Variants in GPD1L observed in about 807,000 individuals in gnomAD.
GPD1L encodes the protein glycerol-3-phosphate dehydrogenase 1-like protein.
In GPD1L, 17 loss-of-function variants were observed where a neutral mutation model predicts 32.9. The observed-to-expected ratio is 0.52, with a 90% CI of 0.35 to 0.78. GPD1L has a LOEUF of 0.78. GPD1L is among the 30% of genes least tolerant of loss of function. The probability of loss-of-function intolerance (pLI) is 0.01; values close to 1 mark genes in which losing one functional copy is unlikely to be tolerated. For missense variants in GPD1L, 361 were observed against 447.8 expected (o/e 0.81, Z 1.75); for synonymous variants, 187 against 165.9 (o/e 1.13, Z -0.98).
At chr3:32,143,444 A>G (rs1700776763) in intron 4 of GPD1L, among the ~76,000 whole-genome samples, 1 of 152,186 alleles carries the variant, frequency 6.6e-6, no homozygotes, top group South Asian at 2.1e-4. Flanking sequence ...AGTAAGAGAT[A>G]TGTTATAAAA....
intron 4 of GPD1L, among the ~76,000 whole-genome samples, chr3:32,146,385 C>T (rs1700826163): frequency 6.6e-6 from 1 of 151,698 alleles, no homozygotes; most frequent in African/African-American, 2.4e-5. Flanking sequence ...CGTGTCTGGC[C>T]AAAAAAAACT....
At chr3:32,160,353 AGATGGATGGATG>A (rs59046244) in intron 7 of GPD1L, among the ~76,000 whole-genome samples, 1 of 32,916 alleles carries the variant, frequency 3.0e-5, no homozygotes, top group Non-Finnish European at 4.7e-5. Context: ...GGATGGGATG[AGATGGATGGATG>A]GATGGATGGA....
chr3:32,166,142 G>A lies in GPD1L; in HGVS notation c.*232G>A. The A allele has an allele frequency of 1.8e-6, 1 of 562,492 alleles. No individual in the cohort carries two copies. The allele number at this position is 562,492 out of a possible 1,614,324, so 34.8% of individuals were successfully genotyped here. ...TGAATGGTGGTTTATTCCTCATTCTGTGGATGTTTCTATGAGCCAAAATTT... is the reference window on the plus strand; with the variant it reads ...TGAATGGTGGTTTATTCCTCATTCTATGGATGTTTCTATGAGCCAAAATTT... On this transcript the variant is annotated 3_prime_UTR_variant, in exon 8 of 8. Coordinates refer to ENST00000282541, the MANE Select transcript of GPD1L (RefSeq NM_015141.4).
chr3:32,137,334 G>T (rs1257942984), intron 2 of GPD1L, among the ~76,000 whole-genome samples: 1 of 152,226 alleles, frequency 6.6e-6, no homozygotes, highest in Non-Finnish European at 1.5e-5. Context: ...TTTGTGGTTG[G>T]TGTAGCATCA....
At chr3:32,165,580 G>A (rs1332470422) in intron 7 of GPD1L, among the ~76,000 whole-genome samples, 2 of 152,178 alleles carry the variant, frequency 1.3e-5, no homozygotes, top group Non-Finnish European at 2.9e-5. Context: ...ACTTGGTTGT[G>A]GACAGTGTGC....
chr3:32,121,615 C>CTA (rs1243019541), intron 1 of GPD1L, among the ~76,000 whole-genome samples: 1 of 74,210 alleles, frequency 1.3e-5, no homozygotes, highest in Non-Finnish European at 2.4e-5. Flanking sequence ...ATATATATTT[C>CTA]TATATATATT....
rs760414173 is a variant in GPD1L at position 32,106,683 on chromosome 3, C to A, written c.-29C>A. The A allele has an allele frequency of 6.6e-7, 1 of 1,517,764 alleles. No homozygotes were observed. Among genetic ancestry groups the A allele is most frequent in the Non-Finnish European group, 8.8e-7 (1 of 1,131,068 alleles). 94.0% of individuals were successfully genotyped at this position (1,517,764 alleles called of 1,614,324 possible). A position where few individuals can be genotyped will look rare whatever the true frequency, so the allele number is the denominator to read the frequency against. ...AGGTGGGCAGCCGGCCAGGGAAGCA[C>A]GGTCCAGGCGGCTACATTCGGCCCG... On this transcript the variant is annotated 5_prime_UTR_variant, in exon 1 of 8. Transcript: ENST00000282541. This position sits in a 1 kb window ranked among gnomAD's most constrained non-coding sequence, Gnocchi z 4.0.
chr3:32,135,410 G>A (rs1700648713), intron 2 of GPD1L, among the ~76,000 whole-genome samples: 1 of 152,146 alleles, frequency 6.6e-6, no homozygotes, highest in Admixed American at 6.5e-5. Context: ...ACGACACACA[G>A]GCCAATTGTG....
At chr3:32,107,253 C>T (rs546954324) in intron 1 of GPD1L, among the ~76,000 whole-genome samples, 1 of 152,286 alleles carries the variant, frequency 6.6e-6, no homozygotes, top group East Asian at 1.9e-4. Flanking sequence ...AGGTGCCCGT[C>T]TCGCCCCCGC....
At chr3:32,126,009 C>G (rs1700502193) in intron 1 of GPD1L, among the ~76,000 whole-genome samples, 1 of 152,098 alleles carries the variant, frequency 6.6e-6, no homozygotes, top group Non-Finnish European at 1.5e-5. Flanking sequence ...GGGCTTAGTT[C>G]TTAATGGTAC....
At chr3:32,127,218 A>G (rs1247064585) in intron 1 of GPD1L, among the ~76,000 whole-genome samples, 1 of 152,190 alleles carries the variant, frequency 6.6e-6, no homozygotes, top group Non-Finnish European at 1.5e-5. Context: ...AATTTGCAAG[A>G]TGCTCTTTAC....
intron 5 of GPD1L, among the ~76,000 whole-genome samples, chr3:32,156,031 C>T (rs74410926): frequency 0.12 from 17,583 of 152,150 alleles, 1,107 homozygotes; most frequent in African/African-American, 0.14. Flanking sequence ...GCATAGCACT[C>T]ATCCTAAAAG....
chr3:32,159,787 T>C (rs1227106918), intron 7 of GPD1L, 113 bp downstream of exon 7: 12 of 737,764 alleles, frequency 1.6e-5, no homozygotes, highest in Non-Finnish European at 2.7e-5. Context: ...TTAGAACTTA[T>C]CTGGATTAGT....
intron 1 of GPD1L, among the ~76,000 whole-genome samples, chr3:32,113,185 A>G (rs1457059412): frequency 6.6e-6 from 1 of 152,214 alleles, no homozygotes; most frequent in South Asian, 2.1e-4. Context: ...ACAGATGATT[A>G]TAGTTTACTA....
At chr3:32,162,385 C>CT (rs536879551) in intron 7 of GPD1L, among the ~76,000 whole-genome samples, 16,286 of 121,232 alleles carry the variant, frequency 0.13, 4,147 homozygotes, top group African/African-American at 0.18. Context: ...ATTACCTTTT[C>CT]TTTTTTTTTT....
intron 2 of GPD1L, among the ~76,000 whole-genome samples, chr3:32,129,446 C>T (rs1383460804): frequency 6.6e-6 from 1 of 152,184 alleles, no homozygotes; most frequent in Non-Finnish European, 1.5e-5. Flanking sequence ...CATTTAGTCT[C>T]ATTTAATCCT....
chr3:32,134,810 C>G (rs1334958668), intron 2 of GPD1L, among the ~76,000 whole-genome samples: 1 of 152,144 alleles, frequency 6.6e-6, no homozygotes, highest in Non-Finnish European at 1.5e-5. Context: ...TAGCAAGAGA[C>G]ATGGGAATAG....
Position 32,168,580 on chromosome 3 carries a change from A to G in GPD1L, c.*2670A>G, listed in dbSNP as rs1354246008. 2 of 152,650 alleles carry G rather than the reference A, an allele frequency of 1.3e-5. No homozygotes were observed. The highest frequency in any genetic ancestry group is 4.8e-5 in the African/African-American group (2 of 41,440). The allele number at this position is 152,650 out of a possible 1,614,324, so 9.5% of individuals were successfully genotyped here. On this transcript the variant is annotated 3_prime_UTR_variant, in exon 8 of 8. Coordinates refer to ENST00000282541, the MANE Select transcript of GPD1L (RefSeq NM_015141.4). ...GTTGTGATGAGGTGCCGGTGTGCAAAGGGAACTTTAGTTTTTCCACTGGTT... is the reference window on the plus strand; with the variant it reads ...GTTGTGATGAGGTGCCGGTGTGCAAGGGGAACTTTAGTTTTTCCACTGGTT...
chr3:32,158,836 G>C (rs1701033516), intron 5 of GPD1L, 40 bp from the exon 6 acceptor site: 1 of 1,602,996 alleles, frequency 6.2e-7, no homozygotes, highest in African/African-American at 1.3e-5. Flanking sequence ...CCCGTGGTGG[G>C]TGCTGTAACG....
Sources: allele counts gnomAD v4.1 joint callset (sites outside exome capture counted in the v4.1 genomes callset), GRCh38; gene constraint gnomAD v4.1.1; non-coding constraint Gnocchi (gnomAD v3.1); transcripts MANE v1.5; gene names NCBI Gene and HGNC (gene_info 2026-07-23, HGNC 2026-07-21).